FBXL17: variants seen among roughly 807,000 people sequenced by gnomAD.
The protein encoded by FBXL17 is F-box/LRR-repeat protein 17.
FBXL17 carries 22 observed loss-of-function variants against 66.2 expected under a neutral mutation model. That is an observed-to-expected ratio of 0.33 (90% CI 0.24 to 0.47). FBXL17 has a LOEUF of 0.47. Among genes scored for constraint, FBXL17 ranks in the 20% least tolerant of loss-of-function variants. The pLI is 1.00. For missense variants in FBXL17, 878 were observed against 948.2 expected (o/e 0.93, Z 0.97); for synonymous variants, 474 against 400.5 (o/e 1.18, Z -2.19).
At chr5:108,128,926 C>T (rs1750820775) in intron 6 of FBXL17, among the ~76,000 whole-genome samples, 1 of 151,882 alleles carries the variant, frequency 6.6e-6, no homozygotes, top group Non-Finnish European at 1.5e-5. Flanking sequence ...AGCTCAATTA[C>T]TACATTTATG....
At chr5:107,870,789 A>G (rs1748419766) in intron 8 of FBXL17, among the ~76,000 whole-genome samples, 1 of 151,918 alleles carries the variant, frequency 6.6e-6, no homozygotes, top group Middle Eastern at 3.4e-3. Flanking sequence ...GTTTCACTGT[A>G]TTAACCAGGA....
intron 1 of FBXL17, among the ~76,000 whole-genome samples, chr5:108,376,761 T>A (rs1749451944): frequency 6.6e-6 from 1 of 151,738 alleles, no homozygotes; most frequent in African/African-American, 2.4e-5. Context: ...ACTGGACATT[T>A]TGGATAACAT....
At chr5:107,865,448 T>A (rs1222203937) in intron 8 of FBXL17, among the ~76,000 whole-genome samples, 2 of 152,222 alleles carry the variant, frequency 1.3e-5, no homozygotes, top group Admixed American at 6.5e-5. Context: ...ATTTTATATA[T>A]CCTTTGATTT....
At chr5:108,096,222 C>T (rs1478166261) in intron 6 of FBXL17, among the ~76,000 whole-genome samples, 1 of 152,194 alleles carries the variant, frequency 6.6e-6, no homozygotes, top group Non-Finnish European at 1.5e-5. Context: ...AGAGTCCACA[C>T]ACGGAGCATT....
At chr5:107,940,851 C>G (rs1011101808) in intron 7 of FBXL17, among the ~76,000 whole-genome samples, 2 of 152,146 alleles carry the variant, frequency 1.3e-5, no homozygotes, top group African/African-American at 4.8e-5. Flanking sequence ...TACTGGGGGC[C>G]TGACCCCATC....
At chr5:108,049,329 T>C (rs889343682) in intron 6 of FBXL17, among the ~76,000 whole-genome samples, 2 of 151,744 alleles carry the variant, frequency 1.3e-5, no homozygotes, top group Non-Finnish European at 2.9e-5. Context: ...TTTTAATCTT[T>C]AGTACAGATG....
At chr5:107,960,273 G>A (rs1165138037) in intron 7 of FBXL17, among the ~76,000 whole-genome samples, 1 of 151,962 alleles carries the variant, frequency 6.6e-6, no homozygotes, top group Non-Finnish European at 1.5e-5. Context: ...TTTAAGATAT[G>A]TATACACTAT....
intron 4 of FBXL17, among the ~76,000 whole-genome samples, chr5:108,231,441 G>C (rs1755336302): frequency 6.6e-6 from 1 of 152,008 alleles, no homozygotes; most frequent in African/African-American, 2.4e-5. Flanking sequence ...TTTGTCTCTA[G>C]CTTCTTTCAC....
chr5:107,878,414 G>A (rs1748678000), intron 8 of FBXL17: 12 of 642,982 alleles, frequency 1.9e-5, no homozygotes, highest in Non-Finnish European at 2.3e-5. Context: ...CTTTATGTAT[G>A]TTAACTCATT....
At chr5:108,380,616 A>T in intron 1 of FBXL17, 83 bp downstream of exon 1, 1 of 839,854 alleles carries the variant, frequency 1.2e-6, no homozygotes, top group Non-Finnish European at 1.6e-6. Flanking sequence ...CTCCGCGCTT[A>T]GGGGGAGGAG....
intron 4 of FBXL17, among the ~76,000 whole-genome samples, chr5:108,306,611 A>T (rs1235010118): frequency 1.3e-5 from 2 of 152,054 alleles, no homozygotes; most frequent in African/African-American, 4.8e-5. Flanking sequence ...ATTATAATTT[A>T]TCTTTGATAA....
chr5:108,298,770 T>C (rs1758454728), intron 4 of FBXL17: 1 of 767,056 alleles, frequency 1.3e-6, no homozygotes, highest in African/African-American at 1.9e-5. Context: ...TCACTATTCT[T>C]AACCATTAAT....
chr5:108,376,026 C>T (rs561299914), intron 1 of FBXL17, among the ~76,000 whole-genome samples: 22 of 152,234 alleles, frequency 1.4e-4, no homozygotes, highest in Non-Finnish European at 1.8e-4. Flanking sequence ...AAAAACAAAA[C>T]ACATGATCAT....
intron 7 of FBXL17, among the ~76,000 whole-genome samples, chr5:107,898,903 G>A (rs549345469): frequency 2.0e-5 from 3 of 152,176 alleles, no homozygotes; most frequent in South Asian, 4.2e-4. Flanking sequence ...CTTTGCTATC[G>A]TGAACAGTGC....
chr5:108,072,762 C>T (rs1221465661), intron 6 of FBXL17, among the ~76,000 whole-genome samples: 2 of 152,130 alleles, frequency 1.3e-5, no homozygotes, highest in African/African-American at 2.4e-5. Flanking sequence ...TTCAACCAAT[C>T]ACAACATTTA....
At chr5:108,221,966 G>A (rs1178661251) in intron 5 of FBXL17, among the ~76,000 whole-genome samples, 1 of 152,064 alleles carries the variant, frequency 6.6e-6, no homozygotes, top group East Asian at 1.9e-4. Context: ...TCAAAGAAAA[G>A]GCTCTGTTGA....
At position 108,091,427 on chromosome 5, in the gene FBXL17, G is replaced by A. The variant is rs191208332; in HGVS notation, c.1746-70426C>T. Reference sequence around the variant, plus strand: ...AAGATCGCATTTCTCTGTTTTCTATGTTGGTGTTGTGCACGCACTTTGATT... The same window carrying A: ...AAGATCGCATTTCTCTGTTTTCTATATTGGTGTTGTGCACGCACTTTGATT... On this transcript the variant is annotated intron_variant, in intron 6 of 8. Coordinates refer to ENST00000542267, the MANE Select transcript of FBXL17 (RefSeq NM_001163315.3). 3.9e-3 allele frequency among the ~76,000 whole-genome samples: 590 copies of A among 152,282 alleles called. 5 individuals carry two copies. The highest frequency in any genetic ancestry group is 0.014 in the African/African-American group (574 of 41,554).
intron 4 of FBXL17, among the ~76,000 whole-genome samples, chr5:108,280,536 C>G (rs1757659935): frequency 6.6e-6 from 1 of 151,662 alleles, no homozygotes; most frequent in Non-Finnish European, 1.5e-5. Flanking sequence ...GCAAAGTAAT[C>G]ACACAAAGGA....
intron 8 of FBXL17, among the ~76,000 whole-genome samples, chr5:107,866,602 C>A (rs759454825): frequency 6.6e-6 from 1 of 152,108 alleles, no homozygotes; most frequent in Non-Finnish European, 1.5e-5. Context: ...TATTAATTTC[C>A]GCAGAAAGTT....
Sources: gnomAD v4.1 joint callset for allele counts (sites outside exome capture counted in the v4.1 genomes callset) on GRCh38, gnomAD v4.1.1 for gene constraint, MANE v1.5 for transcripts, NCBI Gene and HGNC (gene_info 2026-07-23, HGNC 2026-07-21) for gene names.